The following IQCB1 variants were observed in gnomAD, a reference collection of about 807,000 sequenced individuals.
IQCB1 encodes IQ calmodulin-binding motif-containing protein 1.
IQCB1 carries 56 observed loss-of-function variants against 84.4 expected under a neutral mutation model. The ratio of observed to expected loss-of-function variants is 0.66; its 90% CI spans 0.54 to 0.83. IQCB1 has a LOEUF of 0.83. Ranked by LOEUF, IQCB1 falls within the 40% of genes least tolerant of loss-of-function variation. The probability of loss-of-function intolerance (pLI) is 0.00; values close to 1 mark genes in which losing one functional copy is unlikely to be tolerated. For synonymous variants in IQCB1, 210 were observed against 234.8 expected (o/e 0.89, Z 0.96); for missense variants, 629 against 682.1 (o/e 0.92, Z 0.87).
chr3:121,835,057 A>T lies in IQCB1; in HGVS notation c.-193T>A. The T allele has an allele frequency of 1.7e-6, 1 of 574,344 alleles. No individual in the cohort carries two copies. The highest frequency in any genetic ancestry group is 2.1e-5 in the South Asian group (1 of 47,106). The allele number at this position is 574,344 out of a possible 1,614,324, so 35.6% of individuals were successfully genotyped here. On this transcript the variant is annotated 5_prime_UTR_variant, in exon 1 of 15. Coordinates refer to ENST00000310864, the MANE Select transcript of IQCB1 (RefSeq NM_001023570.4). The stretch of plus-strand genomic sequence containing the variant: ...GCCTTCCGGGGCAGCGTGCGTCGCG[A>T]CGCGGGAAGGGGCCTGGAGGCGGGA...
chr3:121,824,143 C>A (rs1364183134), intron 5 of IQCB1, among the ~76,000 whole-genome samples: 1 of 152,124 alleles, frequency 6.6e-6, no homozygotes, highest in African/African-American at 2.4e-5. Flanking sequence ...AAATGATGTA[C>A]AATAGTCTCC....
intron 2 of IQCB1, among the ~76,000 whole-genome samples, chr3:121,830,573 G>A (rs1559806450): frequency 6.6e-6 from 1 of 152,186 alleles, no homozygotes. Flanking sequence ...CTATGAAGTA[G>A]ATAGAGCGTG....
At chr3:121,776,221 G>C (rs1019736026) in intron 13 of IQCB1, among the ~76,000 whole-genome samples, 1 of 152,034 alleles carries the variant, frequency 6.6e-6, no homozygotes, top group African/African-American at 2.4e-5. Context: ...CACCATGCCC[G>C]GCCAGAGATT....
At chr3:121,821,727 G>A (rs1466525515) in intron 5 of IQCB1, among the ~76,000 whole-genome samples, 4 of 151,996 alleles carry the variant, frequency 2.6e-5, no homozygotes, top group South Asian at 2.1e-4. Context: ...GTATAAACTC[G>A]GGAAAAAATA....
At chr3:121,806,932 G>A (rs1177921981) in intron 7 of IQCB1, among the ~76,000 whole-genome samples, 1 of 151,860 alleles carries the variant, frequency 6.6e-6, no homozygotes, top group Non-Finnish European at 1.5e-5. Context: ...CCCTTCTTGA[G>A]CATCTGTAAA....
intron 5 of IQCB1, among the ~76,000 whole-genome samples, chr3:121,823,038 T>C (rs1950329797): frequency 6.6e-6 from 1 of 152,028 alleles, no homozygotes; most frequent in Admixed American, 6.6e-5. Context: ...ATAATAAATA[T>C]GGTAAACAAT....
At chr3:121,825,641 T>A (rs890511095) in intron 5 of IQCB1, among the ~76,000 whole-genome samples, 1 of 152,118 alleles carries the variant, frequency 6.6e-6, no homozygotes, top group South Asian at 2.1e-4. Context: ...TATGTTTGGG[T>A]TGAATATTTT....
intron 7 of IQCB1, 41 bp downstream of exon 7, chr3:121,807,303 G>A (rs1329504469): frequency 3.0e-6 from 3 of 984,956 alleles, no homozygotes; most frequent in Admixed American, 3.5e-5. Context: ...TAATGCTTCT[G>A]ATAAAAAAAA....
intron 14 of IQCB1, 127 bp downstream of exon 14, chr3:121,772,430 A>C: frequency 1.9e-4 from 155 of 821,816 alleles, no homozygotes; most frequent in Non-Finnish European, 2.7e-4. Context: ...TGATCTATGT[A>C]GAAATTTCCT....
chr3:121,816,802 T>C lies in IQCB1; in HGVS notation c.394-7793A>G, dbSNP rs1559793175. 4.6e-5 allele frequency among the ~76,000 whole-genome samples: 7 copies of C among 152,340 alleles called. 2 individuals carry two copies. In the South Asian group the frequency reaches 1.4e-3, roughly 32 times the overall value. ...GGATGTGGAGAAATAGGAACGCTTT[T>C]ACACTGTTGGTGGGAATGTAAGTTC... On this transcript the variant is annotated intron_variant, in intron 5 of 14. Coordinates refer to ENST00000310864, the MANE Select transcript of IQCB1 (RefSeq NM_001023570.4).
chr3:121,804,555 G>A (rs1949535259), intron 7 of IQCB1, among the ~76,000 whole-genome samples: 1 of 151,928 alleles, frequency 6.6e-6, no homozygotes, highest in African/African-American at 2.4e-5. Flanking sequence ...CTTTTTACTT[G>A]TGTTGTTTCT....
intron 9 of IQCB1, 85 bp from the exon 10 acceptor site, chr3:121,795,651 G>A: frequency 2.6e-6 from 2 of 774,150 alleles, no homozygotes; most frequent in Non-Finnish European, 4.6e-6. Context: ...TATCAGGTTA[G>A]GGCAAATATT....
chr3:121,820,416 T>C (rs939253138), intron 5 of IQCB1, among the ~76,000 whole-genome samples: 1 of 152,164 alleles, frequency 6.6e-6, no homozygotes, highest in Non-Finnish European at 1.5e-5. Context: ...CAGACATCTC[T>C]AAGGCTCTGA....
At chr3:121,798,012 GA>G (rs1188343465) in intron 8 of IQCB1, among the ~76,000 whole-genome samples, 6 of 151,892 alleles carry the variant, frequency 4.0e-5, no homozygotes, top group African/African-American at 1.2e-4. Context: ...ATATCTTCAG[GA>G]ATCTGAATAA....
chr3:121,816,414 A>G (rs922434737), intron 5 of IQCB1, among the ~76,000 whole-genome samples: 1 of 152,228 alleles, frequency 6.6e-6, no homozygotes, highest in Non-Finnish European at 1.5e-5. Flanking sequence ...GCCAAAATAG[A>G]CAAATGGAAT....
chr3:121,770,563 G>A lies in IQCB1; in HGVS notation c.1579C>T (p.Leu527=). The change falls in exon 15 of 15, where the codon CTG becomes TTG. Residue 527 remains leucine, a synonymous_variant. Coordinates refer to ENST00000310864, the MANE Select transcript of IQCB1 (RefSeq NM_001023570.4). ...NVEQLMKAPS[L]KEAEGKEPEL... ...GGTTCTTTCCCTTCTGCCTCCTTCA[G>A]ACTTGGTGCCTCTGTAGTGGACAGA... 6.2e-7 allele frequency: 1 copy of A among 1,612,940 alleles called. No homozygotes were observed. The highest frequency in any genetic ancestry group is 8.5e-7 in the Non-Finnish European group (1 of 1,179,648).
intron 13 of IQCB1, 23 bp downstream of exon 13, chr3:121,781,720 G>A (rs1948502996): frequency 1.9e-6 from 3 of 1,604,986 alleles, no homozygotes; most frequent in African/African-American, 1.3e-5. Flanking sequence ...ATGTAATACT[G>A]ATATGGTACA....
In IQCB1 at chr3:121,799,202, A is replaced by G. The variant is rs765911464; in HGVS notation, c.760T>C (p.Tyr254His). Residue 254 changes from tyrosine to histidine, a missense_variant, in exon 8 of 15, where the codon TAC (tyrosine) becomes CAC (histidine). Transcript: ENST00000310864. ...GAAAGAATGAATGTACTACCTTTGT[A>G]GCAGGTACTTTGTCTCAGTAAAATC... ...ILILLRQSTCYKGLRRLLSKQ... is the reference protein window; with the variant it reads ...ILILLRQSTCHKGLRRLLSKQ... 1.2e-6 allele frequency: 2 copies of G among 1,605,542 alleles called. No homozygotes were observed. Among genetic ancestry groups the G allele is most frequent in the South Asian group, 2.2e-5 (2 of 90,750 alleles).
chr3:121,820,394 T>C (rs1163429175), intron 5 of IQCB1, among the ~76,000 whole-genome samples: 2 of 152,158 alleles, frequency 1.3e-5, no homozygotes, highest in Non-Finnish European at 2.9e-5. Flanking sequence ...CCCAAATACA[T>C]TGCATCTATG....
Sources: allele counts gnomAD v4.1 joint callset (sites outside exome capture counted in the v4.1 genomes callset), GRCh38; gene constraint gnomAD v4.1.1; transcripts MANE v1.5; gene names NCBI Gene and HGNC (gene_info 2026-07-23, HGNC 2026-07-21).